CC2D2B: variants seen among roughly 807,000 people sequenced by gnomAD.
CC2D2B encodes coiled-coil and C2 domain containing 2B, also known as protein CC2D2B.
CC2D2B carries 128 observed loss-of-function variants against 161.2 expected under a neutral mutation model. The ratio of observed to expected loss-of-function variants is 0.79; its 90% CI spans 0.69 to 0.92. The LOEUF is 0.92. Among genes scored for constraint, CC2D2B ranks in the 40% least tolerant of loss-of-function variants. The pLI is 0.00. For synonymous variants in CC2D2B, 391 were observed against 449.8 expected (o/e 0.87, Z 1.65); for missense variants, 1,173 against 1,375.1 (o/e 0.85, Z 2.32).
chr10:96,002,952 G>A (rs951172307), intron 24 of CC2D2B, among the ~76,000 whole-genome samples: 5 of 151,274 alleles, frequency 3.3e-5, no homozygotes, highest in African/African-American at 1.2e-4. Flanking sequence ...GCTGAGGTAG[G>A]AGGATCACTT....
intron 32 of CC2D2B, among the ~76,000 whole-genome samples, chr10:96,023,991 A>G (rs370348339): frequency 5.8e-4 from 88 of 152,308 alleles, no homozygotes; most frequent in African/African-American, 2.1e-3. Context: ...AAGGGGGAAC[A>G]TCTGTTCCTG....
Position 95,937,581 on chromosome 10 carries a change from C to T in CC2D2B, c.337-410C>T, listed in dbSNP as rs377407581. On this transcript the variant is annotated intron_variant, in intron 6 of 34. Transcript: ENST00000646931. ...TGTAGAAAAAAGCATGCCTACTCTA[C>T]AGCACTTTAGGTGGTACTGTTTTCT... 2.0e-5 allele frequency among the ~76,000 whole-genome samples: 3 copies of T among 151,424 alleles called. No homozygotes were observed. In the East Asian group the frequency reaches 5.8e-4, roughly 29 times the overall value.
chr10:96,007,451 T>G (rs1219193815), intron 25 of CC2D2B, among the ~76,000 whole-genome samples: 1 of 152,156 alleles, frequency 6.6e-6, no homozygotes, highest in Non-Finnish European at 1.5e-5. Flanking sequence ...ATTAATGCAG[T>G]TGAGAGCACA....
intron 9 of CC2D2B, among the ~76,000 whole-genome samples, chr10:95,947,115 T>TATATATATATATATATATATATATA (rs1564609188): frequency 3.8e-5 from 1 of 26,232 alleles, no homozygotes. Context: ...ATATATATAT[T>TATATATATATATATATATATATATA]TTTTTTTTTT....
chr10:96,005,535 T>C (rs1326883816), intron 25 of CC2D2B, among the ~76,000 whole-genome samples: 1 of 152,206 alleles, frequency 6.6e-6, no homozygotes, highest in Non-Finnish European at 1.5e-5. Context: ...AAGTTATCAC[T>C]GAACATTATT....
intron 2 of CC2D2B, among the ~76,000 whole-genome samples, chr10:95,921,793 G>A (rs2098527763): frequency 6.7e-6 from 1 of 150,224 alleles, no homozygotes; most frequent in South Asian, 2.1e-4. Flanking sequence ...GCCAGGGCCT[G>A]TCAGAGGGTG....
At chr10:95,987,581 AAAATGCAT>A in intron 19 of CC2D2B, among the ~76,000 whole-genome samples, 1 of 152,326 alleles carries the variant, frequency 6.6e-6, no homozygotes. Flanking sequence ...TATAATACTG[AAAATGCAT>A]AAATAACAAA....
At chr10:95,977,475 G>C (rs2077361317) in intron 17 of CC2D2B, among the ~76,000 whole-genome samples, 1 of 152,138 alleles carries the variant, frequency 6.6e-6, no homozygotes, top group African/African-American at 2.4e-5. Context: ...TTTTAAACAT[G>C]AAACAGTTTT....
intron 11 of CC2D2B, among the ~76,000 whole-genome samples, chr10:95,956,709 A>G (rs1489865779): frequency 6.6e-6 from 1 of 152,124 alleles, no homozygotes; most frequent in Non-Finnish European, 1.5e-5. Context: ...ACATACCAAA[A>G]TTCATGGATG....
intron 6 of CC2D2B, among the ~76,000 whole-genome samples, chr10:95,929,948 T>C (rs2098546828): frequency 6.6e-6 from 1 of 152,216 alleles, no homozygotes; most frequent in South Asian, 2.1e-4. Flanking sequence ...AATGGTAGCT[T>C]GATGGGGATA....
At chr10:95,998,471 TCA>T (rs1217293714) in intron 24 of CC2D2B, among the ~76,000 whole-genome samples, 1 of 152,138 alleles carries the variant, frequency 6.6e-6, no homozygotes, top group Non-Finnish European at 1.5e-5. Flanking sequence ...TTTACTGCCT[TCA>T]CAGTTTTGCC....
chr10:95,978,440 C>G (rs1243115039), intron 17 of CC2D2B, among the ~76,000 whole-genome samples: 1 of 152,186 alleles, frequency 6.6e-6, no homozygotes, highest in Non-Finnish European at 1.5e-5. Context: ...TCATAGCAGC[C>G]TCAAACTCCA....
At chr10:95,921,900 C>T in intron 2 of CC2D2B, 116 bp from the exon 3 acceptor site, 3 of 562,406 alleles carry the variant, frequency 5.3e-6, no homozygotes, top group Non-Finnish European at 9.4e-6. Flanking sequence ...ACCTATGTAA[C>T]AAACCTGCAT....
At chr10:95,916,646 C>T (rs767884747) in intron 2 of CC2D2B, among the ~76,000 whole-genome samples, 11 of 152,034 alleles carry the variant, frequency 7.2e-5, no homozygotes, top group Non-Finnish European at 1.0e-4. Context: ...CTTCATTGAG[C>T]CACTGGTCAT....
At chr10:95,916,692 T>C (rs1355244331) in intron 2 of CC2D2B, among the ~76,000 whole-genome samples, 2 of 152,162 alleles carry the variant, frequency 1.3e-5, no homozygotes. Flanking sequence ...TGTGTTTGTA[T>C]AGTTTCCAAA....
intron 33 of CC2D2B, among the ~76,000 whole-genome samples, chr10:96,025,933 T>C (rs1388267454): frequency 6.6e-6 from 1 of 152,168 alleles, no homozygotes; most frequent in Non-Finnish European, 1.5e-5. Flanking sequence ...TCATTCTTAC[T>C]CCTCATTTCC....
In CC2D2B at chr10:95,983,774, C is replaced by T; in HGVS notation, c.2251C>T (p.Leu751Phe). The part of the protein sequence containing the change: ...LDNFLLQQMP[L>F]HDTEIPDLVF... ...TAATTTCCTTCTACAGCAAATGCCC[C>T]TCCATGATACAGAGATTCCAGATTT... Residue 751 changes from leucine (L) to phenylalanine (F), a missense_variant, in exon 19 of 35, where the codon CTC (leucine) becomes TTC (phenylalanine). Physicochemically the swap from Leu to Phe is conservative, Grantham distance 22 (BLOSUM62 0). Transcript: ENST00000646931. 2.4e-6 allele frequency: 3 copies of T among 1,230,322 alleles called. No individual in the cohort carries two copies. The highest frequency in any genetic ancestry group is 3.0e-6 in the Non-Finnish European group (3 of 986,428). 76.2% of individuals were successfully genotyped at this position (1,230,322 alleles called of 1,614,324 possible).
At position 96,026,861 on chromosome 10, in the gene CC2D2B, A is replaced by G. The variant is rs563999257; in HGVS notation, c.3948-351A>G. On this transcript the variant is annotated intron_variant, in intron 33 of 34. Transcript: ENST00000646931. ...TCACAGGCTGGGCACGGTGGCTTAC[A>G]CCTGTAATCCCAGCACTTTGGGAGA... Among the ~76,000 whole-genome samples, 3 of 152,230 alleles carry G rather than the reference A, an allele frequency of 2.0e-5. No individual in the cohort carries two copies. The South Asian group carries it at 6.2e-4, about 32-fold the overall frequency.
intron 10 of CC2D2B, among the ~76,000 whole-genome samples, chr10:95,951,760 A>G (rs2076408319): frequency 6.6e-6 from 1 of 152,164 alleles, no homozygotes; most frequent in Non-Finnish European, 1.5e-5. Context: ...AAGTATATAT[A>G]GACTCTGGGT....
Sources: gnomAD v4.1 joint callset for allele counts (sites outside exome capture counted in the v4.1 genomes callset) on GRCh38, gnomAD v4.1.1 for gene constraint, MANE v1.5 for transcripts, NCBI Gene and HGNC (gene_info 2026-07-23, HGNC 2026-07-21) for gene names.